BTRC: variants seen among roughly 807,000 people sequenced by gnomAD.
The protein encoded by BTRC is F-box/WD repeat-containing protein 1A.
BTRC carries 42 observed loss-of-function variants against 85.5 expected under a neutral mutation model. The ratio of observed to expected loss-of-function variants is 0.49; its 90% confidence interval spans 0.38 to 0.64. BTRC has a LOEUF of 0.64. BTRC is among the 30% of genes least tolerant of loss of function. The pLI is 0.00. For synonymous variants in BTRC, 255 were observed against 263.3 expected, an observed-to-expected ratio of 0.97 and a Z score of 0.30; for missense variants, 594 against 743.5, an observed-to-expected ratio of 0.80 and a Z score of 2.34.
chr10:101,514,838 C>T (rs1312079109), intron 4 of BTRC, among the ~76,000 whole-genome samples: 7 of 152,230 alleles, frequency 4.6e-5, no homozygotes, highest in Non-Finnish European at 1.0e-4. Context: ...CATTGATCTA[C>T]ACTTGTGTCC....
intron 4 of BTRC, among the ~76,000 whole-genome samples, chr10:101,499,003 A>AG (rs1946335659): frequency 6.6e-6 from 1 of 152,088 alleles, no homozygotes; most frequent in Non-Finnish European, 1.5e-5. Context: ...CAAAAAAAAA[A>AG]CAGAAAAAAA....
intron 4 of BTRC, among the ~76,000 whole-genome samples, chr10:101,491,468 G>A (rs1946131648): frequency 6.6e-6 from 1 of 152,110 alleles, no homozygotes. Context: ...GCTGAGGTGG[G>A]AGGAACACCT....
intron 5 of BTRC, among the ~76,000 whole-genome samples, chr10:101,525,725 T>C (rs2134387000): frequency 6.6e-6 from 1 of 152,274 alleles, no homozygotes; most frequent in Admixed American, 6.5e-5. Flanking sequence ...TGAATTGTTT[T>C]CTGGAATCCT....
At chr10:101,399,856 A>G (rs1370998867) in intron 1 of BTRC, among the ~76,000 whole-genome samples, 1 of 152,204 alleles carries the variant, frequency 6.6e-6, no homozygotes, top group Non-Finnish European at 1.5e-5. Context: ...AGGTATATTC[A>G]TCATTCCCAT....
chr10:101,509,532 G>C (rs1033440519), intron 4 of BTRC, among the ~76,000 whole-genome samples: 6 of 149,290 alleles, frequency 4.0e-5, no homozygotes, highest in Non-Finnish European at 7.4e-5. Flanking sequence ...GGGATTACAG[G>C]CGTGAGCCAC....
intron 3 of BTRC, among the ~76,000 whole-genome samples, chr10:101,476,720 A>G (rs1257987649): frequency 1.3e-5 from 2 of 152,072 alleles, no homozygotes; most frequent in Non-Finnish European, 2.9e-5. Flanking sequence ...CTGGGATTAT[A>G]GGCATGAGCC....
chr10:101,372,777 C>T (rs1432346807), intron 1 of BTRC, among the ~76,000 whole-genome samples: 2 of 151,818 alleles, frequency 1.3e-5, no homozygotes, highest in African/African-American at 2.4e-5. Flanking sequence ...GCAGGAGAAT[C>T]GCTTGAACCT....
intron 13 of BTRC, among the ~76,000 whole-genome samples, chr10:101,544,654 C>A (rs776147879): frequency 1.3e-5 from 2 of 152,104 alleles, no homozygotes; most frequent in African/African-American, 2.4e-5. Context: ...AATCCTCTTG[C>A]CTCACAACCT....
At chr10:101,404,027 TA>T (rs1455989319) in intron 1 of BTRC, among the ~76,000 whole-genome samples, 368 of 36,556 alleles carry the variant, frequency 0.01, 2 homozygotes, top group African/African-American at 0.012. Context: ...TATATATATA[TA>T]TATTTTTTTT....
At chr10:101,532,797 T>TGTGTGC (rs1554895742) in intron 8 of BTRC, among the ~76,000 whole-genome samples, 155 bp from the exon 9 acceptor site, 4 of 141,174 alleles carry the variant, frequency 2.8e-5, no homozygotes, top group Non-Finnish European at 1.6e-5. Context: ...TGTGCGCGTG[T>TGTGTGC]GCGCGCGCGC....
intron 4 of BTRC, among the ~76,000 whole-genome samples, chr10:101,503,411 G>A (rs1946442946): frequency 6.6e-6 from 1 of 152,132 alleles, no homozygotes; most frequent in South Asian, 2.1e-4. Flanking sequence ...ACTGCATTTT[G>A]AAATCTGAAC....
At chr10:101,367,828 AT>A (rs1266791358) in intron 1 of BTRC, among the ~76,000 whole-genome samples, 1 of 152,090 alleles carries the variant, frequency 6.6e-6, no homozygotes, top group Non-Finnish European at 1.5e-5. Flanking sequence ...AATCATTCAG[AT>A]TAGTCATTCT....
chr10:101,489,310 CTGA>C (rs1946069378), intron 4 of BTRC, among the ~76,000 whole-genome samples: 1 of 152,040 alleles, frequency 6.6e-6, no homozygotes, highest in Admixed American at 6.6e-5. Flanking sequence ...CTTTAATAGT[CTGA>C]TGCTACTGTG....
At chr10:101,375,213 G>C (rs566096139) in intron 1 of BTRC, among the ~76,000 whole-genome samples, 1 of 152,158 alleles carries the variant, frequency 6.6e-6, no homozygotes, top group Non-Finnish European at 1.5e-5. Flanking sequence ...TGCTGTTTTC[G>C]TGATAGAGTT....
chr10:101,482,027 C>A (rs1945847252), intron 4 of BTRC, among the ~76,000 whole-genome samples: 1 of 151,824 alleles, frequency 6.6e-6, no homozygotes, highest in Non-Finnish European at 1.5e-5. Flanking sequence ...AAAGGTTTTC[C>A]TTTTTTTTGT....
intron 5 of BTRC, among the ~76,000 whole-genome samples, chr10:101,525,142 G>A (rs1350681209): frequency 1.3e-5 from 2 of 152,174 alleles, no homozygotes; most frequent in Non-Finnish European, 2.9e-5. Context: ...TTTTTTTAGT[G>A]AGATCATCCT....
At chr10:101,389,115 GTGTGTTTTTTT>G (rs1225854849) in intron 1 of BTRC, among the ~76,000 whole-genome samples, 2 of 35,462 alleles carry the variant, frequency 5.6e-5, no homozygotes, top group African/African-American at 1.4e-4. Flanking sequence ...GATTTTTTGT[GTGTGTTTTTTT>G]TTTTTTTTTT....
rs1946153027 is a variant in BTRC, at chr10:101,492,288, A to C, written c.324+12831A>C. Among the ~76,000 whole-genome samples, 4 of 152,310 alleles carry C rather than the reference A, an allele frequency of 2.6e-5. No individual in the cohort carries two copies. In the South Asian group the frequency reaches 8.3e-4, roughly 32 times the overall value. ...TGTGGGAGCAAGCCAAAAGGGAAAT[A>C]TAGAGAGAAAACCATGTTTAAAAAG... On this transcript the variant is annotated intron_variant, in intron 4 of 14. Coordinates refer to ENST00000370187, the MANE Select transcript of BTRC (RefSeq NM_033637.4).
intron 1 of BTRC, among the ~76,000 whole-genome samples, chr10:101,381,421 A>G (rs1175732339): frequency 6.6e-6 from 1 of 152,230 alleles, no homozygotes; most frequent in Admixed American, 6.5e-5. Flanking sequence ...CCTCTTCTCT[A>G]AAATGAGAAT....
Sources: gnomAD v4.1 joint callset for allele counts (sites outside exome capture counted in the v4.1 genomes callset) on GRCh38, gnomAD v4.1.1 for gene constraint, MANE v1.5 for transcripts, NCBI Gene and HGNC (gene_info 2026-07-23, HGNC 2026-07-21) for gene names.